ENPP3: variants seen among roughly 807,000 people sequenced by gnomAD.
The protein encoded by ENPP3 is ectonucleotide pyrophosphatase/phosphodiesterase family member 3.
Under a neutral mutation model 117.8 loss-of-function variants are expected in ENPP3, and 104 were observed. The ratio of observed to expected loss-of-function variants is 0.88; its 90% CI spans 0.75 to 1.04. ENPP3 has a LOEUF of 1.04. ENPP3 is among the 50% of genes least tolerant of loss of function. The pLI is 0.00. For missense variants in ENPP3, 1,026 were observed against 1,051.9 expected (o/e 0.98, Z 0.34); for synonymous variants, 380 against 349.9 (o/e 1.09, Z -0.96).
chr6:131,724,618 G>A (rs908165047), intron 19 of ENPP3, among the ~76,000 whole-genome samples: 4 of 152,018 alleles, frequency 2.6e-5, no homozygotes, highest in East Asian at 1.9e-4. Flanking sequence ...CAGTTTCATC[G>A]CTTATAAGGG....
At chr6:131,664,538 G>C (rs890471920) in intron 6 of ENPP3, among the ~76,000 whole-genome samples, 1 of 152,130 alleles carries the variant, frequency 6.6e-6, no homozygotes, top group Non-Finnish European at 1.5e-5. Flanking sequence ...AGTGTACAGT[G>C]TTTATCAAGT....
chr6:131,647,780 A>G (rs957746639), intron 2 of ENPP3, among the ~76,000 whole-genome samples: 1 of 152,164 alleles, frequency 6.6e-6, no homozygotes, highest in African/African-American at 2.4e-5. Context: ...TCCACTTTGT[A>G]GATAGACTTT....
In ENPP3 at chr6:131,722,334, T is replaced by C. The variant is rs746267213; in HGVS notation, c.1675T>C (p.Phe559Leu). 6.2e-7 allele frequency: 1 copy of C among 1,614,016 alleles called. No individual in the cohort carries two copies. The highest frequency in any genetic ancestry group is 1.1e-5 in the South Asian group (1 of 91,072). ...EPSHAEEVSK[F>L]SVCGFANPLP... ...ATCCCATGCAGAGGAGGTGTCAAAGTTTTCTGTTTGTGGCTTTGCTAATCC... is the reference window on the plus strand; with the variant it reads ...ATCCCATGCAGAGGAGGTGTCAAAGCTTTCTGTTTGTGGCTTTGCTAATCC... The change falls in exon 18 of 25, where the codon TTT becomes CTT. Residue 559 changes from phenylalanine to leucine, a missense_variant. By Grantham distance (22) the Phe-to-Leu change is conservative. Transcript: ENST00000357639.
chr6:131,685,466 C>T lies in ENPP3; in HGVS notation c.1223C>T (p.Ala408Val), dbSNP rs1352818080. ...GAAGGGCCTGCCCCCCGCATCCGAGCTCATAATATACCTCATGACTTTTTT... is the reference window on the plus strand; with the variant it reads ...GAAGGGCCTGCCCCCCGCATCCGAGTTCATAATATACCTCATGACTTTTTT... ...MYEGPAPRIR[A>V]HNIPHDFFSF... The change falls in exon 13 of 25, where the codon GCT becomes GTT. Residue 408 changes from alanine (A) to valine (V), a missense_variant. Coordinates refer to ENST00000357639, the MANE Select transcript of ENPP3 (RefSeq NM_005021.5). 1.9e-6 allele frequency: 3 copies of T among 1,613,802 alleles called. No homozygotes were observed. Among genetic ancestry groups the T allele is most frequent in the Non-Finnish European group, 2.5e-6 (3 of 1,179,928 alleles).
chr6:131,664,664 T>C (rs959192194), intron 6 of ENPP3, among the ~76,000 whole-genome samples: 2 of 152,178 alleles, frequency 1.3e-5, no homozygotes, highest in Non-Finnish European at 2.9e-5. Context: ...TATTATATCA[T>C]ATTTTCACTG....
At chr6:131,694,998 G>A (rs1308869073) in intron 15 of ENPP3, among the ~76,000 whole-genome samples, 2 of 144,306 alleles carry the variant, frequency 1.4e-5, no homozygotes, top group East Asian at 3.9e-4. Flanking sequence ...CCCCTGTTGG[G>A]CCTGAGAGTG....
chr6:131,704,822 CTT>C (rs1779606946), intron 15 of ENPP3, among the ~76,000 whole-genome samples: 1 of 105,694 alleles, frequency 9.5e-6, no homozygotes, highest in Admixed American at 9.0e-5. Flanking sequence ...CTACTTTTGT[CTT>C]TTGCATTTTC....
intron 24 of ENPP3, among the ~76,000 whole-genome samples, chr6:131,744,802 T>TAC (rs72401502): frequency 0.067 from 9,798 of 146,770 alleles, 310 homozygotes; most frequent in Middle Eastern, 0.16. Context: ...AGGTCATTTA[T>TAC]ACACACACAC....
intron 15 of ENPP3, among the ~76,000 whole-genome samples, chr6:131,713,433 T>G (rs1205073586): frequency 6.7e-6 from 1 of 149,100 alleles, no homozygotes; most frequent in African/African-American, 2.5e-5. Context: ...TAATTTATTT[T>G]TAATGTAAAG....
chr6:131,725,574 G>A (rs1053888221), intron 19 of ENPP3, among the ~76,000 whole-genome samples: 8 of 152,024 alleles, frequency 5.3e-5, no homozygotes, highest in South Asian at 4.1e-4. Flanking sequence ...CAATGTATAC[G>A]TTTTAGAGAC....
intron 15 of ENPP3, among the ~76,000 whole-genome samples, chr6:131,716,860 A>G (rs1934949885): frequency 6.6e-6 from 1 of 150,376 alleles, no homozygotes; most frequent in Non-Finnish European, 1.5e-5. Flanking sequence ...AGTCCCAGCT[A>G]CTCGGGAGGC....
chr6:131,665,691 C>A (rs1296180187), intron 6 of ENPP3, among the ~76,000 whole-genome samples: 1 of 151,956 alleles, frequency 6.6e-6, no homozygotes, highest in Non-Finnish European at 1.5e-5. Flanking sequence ...CTCTTAGTTT[C>A]ATTGATTTAT....
At chr6:131,701,884 G>GAAAAAAAAAAA (rs1170025527) in intron 15 of ENPP3, among the ~76,000 whole-genome samples, 3 of 96,968 alleles carry the variant, frequency 3.1e-5, no homozygotes, top group Admixed American at 9.9e-5. Context: ...TCTGTCTCCA[G>GAAAAAAAAAAA]AAAAAAAAAA....
At chr6:131,684,034 C>A (rs9375820) in intron 12 of ENPP3, among the ~76,000 whole-genome samples, 1 of 151,968 alleles carries the variant, frequency 6.6e-6, no homozygotes, top group Non-Finnish European at 1.5e-5. Context: ...TACAGGAGTG[C>A]GCCACCGGGC....
At chr6:131,668,510 G>A (rs1008379064) in intron 6 of ENPP3, among the ~76,000 whole-genome samples, 4 of 152,096 alleles carry the variant, frequency 2.6e-5, no homozygotes, top group East Asian at 1.9e-4. Context: ...CACCGTGCCC[G>A]GCCTACATTG....
chr6:131,656,493 C>G (rs1296961783), intron 5 of ENPP3, among the ~76,000 whole-genome samples: 7 of 152,140 alleles, frequency 4.6e-5, no homozygotes, highest in Non-Finnish European at 1.5e-5. Context: ...GTAGGCCGGG[C>G]ATGGTGGCTC....
In ENPP3 at chr6:131,746,712, A is replaced by G. The variant is rs548426776; in HGVS notation, c.2458-74A>G. 20 of 1,349,664 alleles carry G rather than the reference A, an allele frequency of 1.5e-5. No homozygotes were observed. In the East Asian group the frequency reaches 4.2e-4, roughly 29 times the overall value. 83.6% of individuals were successfully genotyped at this position (1,349,664 alleles called of 1,614,324 possible). A position where few individuals can be genotyped will look rare whatever the true frequency, so the allele number is the denominator to read the frequency against. The stretch of plus-strand genomic sequence containing the variant: ...AATCATCGGCAAAAAGACAACTTCT[A>G]AGCAATAAAAATATTTCTGTTCATG... On this transcript the variant is annotated intron_variant, in intron 24 of 24. Coordinates refer to ENST00000357639, the MANE Select transcript of ENPP3 (RefSeq NM_005021.5).
intron 11 of ENPP3, among the ~76,000 whole-genome samples, chr6:131,681,564 A>C (rs967499053): frequency 7.9e-5 from 12 of 152,166 alleles, no homozygotes; most frequent in Non-Finnish European, 1.8e-4. Context: ...ACTTTATATT[A>C]GTTCCATGAT....
At chr6:131,672,566 A>G (rs1443470714) in intron 7 of ENPP3, among the ~76,000 whole-genome samples, 1 of 152,014 alleles carries the variant, frequency 6.6e-6, no homozygotes, top group African/African-American at 2.4e-5. Context: ...CAGGAACCTA[A>G]CTCTCTATTT....
Sources: allele counts gnomAD v4.1 joint callset (sites outside exome capture counted in the v4.1 genomes callset), GRCh38; gene constraint gnomAD v4.1.1; transcripts MANE v1.5; gene names NCBI Gene and HGNC (gene_info 2026-07-23, HGNC 2026-07-21).